Variants in MYO1E observed in about 807,000 individuals in gnomAD.
MYO1E encodes myosin IE.
MYO1E carries 68 observed loss-of-function variants against 151.1 expected under a neutral mutation model. The ratio of observed to expected loss-of-function variants is 0.45; its 90% CI spans 0.37 to 0.55. The LOEUF (loss-of-function observed/expected upper bound fraction) is 0.55. Ranked by LOEUF, MYO1E falls within the 20% of genes least tolerant of loss-of-function variation. The pLI is 0.00. For synonymous variants in MYO1E, 601 were observed against 501.7 expected (o/e 1.20, Z -2.64); for missense variants, 1,363 against 1,389.3 (o/e 0.98, Z 0.30).
intron 17 of MYO1E, 27 bp from the exon 18 acceptor site, chr15:59,188,243 G>C: frequency 3.9e-6 from 6 of 1,554,714 alleles, no homozygotes; most frequent in Non-Finnish European, 5.3e-6. Flanking sequence ...ATGGGGCCTG[G>C]ACATTACTGG....
chr15:59,295,348 G>A (rs529532621), intron 1 of MYO1E, among the ~76,000 whole-genome samples: 3 of 152,130 alleles, frequency 2.0e-5, no homozygotes, highest in East Asian at 1.9e-4. Context: ...TTTTCACCAC[G>A]TGAAAACCCC....
chr15:59,311,632 A>G (rs2080552710), intron 1 of MYO1E, among the ~76,000 whole-genome samples: 1 of 152,162 alleles, frequency 6.6e-6, no homozygotes, highest in Admixed American at 6.5e-5. Context: ...CTGGCACTAT[A>G]TATCAGGCAA....
intron 2 of MYO1E, among the ~76,000 whole-genome samples, chr15:59,263,773 C>T (rs2080237512): frequency 6.6e-6 from 1 of 152,032 alleles, no homozygotes; most frequent in African/African-American, 2.4e-5. Context: ...AGAGAAAATG[C>T]TGATGAGACA....
Position 59,202,345 on chromosome 15 carries a change from G to A in MYO1E, c.1679C>T (p.Thr560Ile). The A allele has an allele frequency of 6.2e-7, 1 of 1,614,100 alleles. No individual in the cohort carries two copies. The highest frequency in any genetic ancestry group is 8.5e-7 in the Non-Finnish European group (1 of 1,179,942). Residue 560 changes from threonine to isoleucine, a missense_variant, in exon 16 of 28, where the codon ACT becomes ATT. Thr to Ile is a moderately conservative substitution (Grantham distance 89). Transcript: ENST00000288235. ...ACTAACCTTTATTTTGCTTCCGGCA[G>A]TAGTTGGGCGCCCTTTCTTGTCAGC... is the stretch of plus-strand genomic sequence containing the variant. ...LQADKKGRPTTAGSKIKKQAN... is the reference protein window; with the variant it reads ...LQADKKGRPTIAGSKIKKQAN...
rs2079637434 is a variant in MYO1E at position 59,178,313 on chromosome 15, A to G, written c.2049+80T>C. ...TGGCATGAAGCGAAGAATGAGAAAAAGAAGCCAGCTGAGGGGTGGAGCAGG... is the reference window on the plus strand; with the variant it reads ...TGGCATGAAGCGAAGAATGAGAAAAGGAAGCCAGCTGAGGGGTGGAGCAGG... On this transcript the variant is annotated intron_variant, in intron 19 of 27. Transcript: ENST00000288235. The G allele has an allele frequency of 2.6e-6, 4 of 1,537,732 alleles. No individual in the cohort carries two copies. In the Admixed American group the frequency reaches 5.5e-5, roughly 21 times the overall value.
intron 1 of MYO1E, among the ~76,000 whole-genome samples, chr15:59,362,249 G>C (rs1442130973): frequency 6.6e-6 from 1 of 152,108 alleles, no homozygotes; most frequent in Non-Finnish European, 1.5e-5. Context: ...TTTCTTACAT[G>C]GTTTCAGATA....
chr15:59,136,573 A>G lies in MYO1E; in HGVS notation c.*807T>C. ...GAATGAGTACAGTGGAATACTACTT[A>G]GTACATTCATACATGTTTCTACCAT... On this transcript the variant is annotated 3_prime_UTR_variant, in exon 28 of 28. Transcript: ENST00000288235. 2.6e-6 allele frequency: 1 copy of G among 388,008 alleles called. No homozygotes were observed. The highest frequency in any genetic ancestry group is 1.9e-5 in the South Asian group (1 of 52,894). The allele number at this position is 388,008 out of a possible 1,614,324, so 24.0% of individuals were successfully genotyped here. A position where few individuals can be genotyped will look rare whatever the true frequency, so the allele number is the denominator to read the frequency against.
Position 59,214,646 on chromosome 15 carries a change from T to C in MYO1E, c.1182A>G (p.Ile394Met). Residue 394 changes from isoleucine to methionine, a missense_variant, in exon 11 of 28, where the codon ATA becomes ATG. By Grantham distance (10) the Ile-to-Met change is conservative. Coordinates refer to ENST00000288235, the MANE Select transcript of MYO1E (RefSeq NM_004998.4). The part of the protein sequence containing the change: ...IGVLDIYGFE[I>M]FQKNGFEQFC... The stretch of plus-strand genomic sequence containing the variant: ...TTATTAAAACTGGCCTTACCTGGAA[T>C]ATTTCAAAGCCATAGATGTCTAGGA... 6.2e-7 allele frequency: 1 copy of C among 1,611,294 alleles called. No individual in the cohort carries two copies. Among genetic ancestry groups the C allele is most frequent in the South Asian group, 1.1e-5 (1 of 91,024 alleles).
chr15:59,153,425 A>G (rs1275324876), intron 26 of MYO1E, among the ~76,000 whole-genome samples, 165 bp downstream of exon 26: 1 of 152,240 alleles, frequency 6.6e-6, no homozygotes, highest in African/African-American at 2.4e-5. Flanking sequence ...CTTTACAAAT[A>G]ACCAGCCACA....
chr15:59,307,614 GTTTTGGT>G (rs1241499378), intron 1 of MYO1E, among the ~76,000 whole-genome samples: 13 of 112,536 alleles, frequency 1.2e-4, no homozygotes, highest in African/African-American at 6.7e-4. Context: ...TTTGTTTTTG[GTTTTGGT>G]TTTTTTAAGA....
chr15:59,257,966 C>T (rs1422020615), intron 3 of MYO1E, among the ~76,000 whole-genome samples: 4 of 152,052 alleles, frequency 2.6e-5, no homozygotes, highest in African/African-American at 4.8e-5. Context: ...TGAATAAGGC[C>T]GCCCTGGAAC....
intron 22 of MYO1E, among the ~76,000 whole-genome samples, chr15:59,165,614 G>T (rs111233652): frequency 1.3e-5 from 2 of 152,170 alleles, no homozygotes; most frequent in Admixed American, 6.5e-5. Flanking sequence ...CAGGGCCAAC[G>T]TGCCAGTTCC....
chr15:59,207,903 A>C (rs1385752626), intron 14 of MYO1E: 1 of 1,614,172 alleles, frequency 6.2e-7, no homozygotes, highest in Admixed American at 1.7e-5. Context: ...GAATACATCC[A>C]GTTTCCACCA....
At chr15:59,239,861 A>G (rs767770819) in intron 4 of MYO1E, among the ~76,000 whole-genome samples, 2 of 152,210 alleles carry the variant, frequency 1.3e-5, no homozygotes, top group Non-Finnish European at 2.9e-5. Context: ...ATGTTACAGA[A>G]TGACTTGAAA....
rs115206981 is a variant in MYO1E, at chr15:59,170,660, C to T, written c.2480+1237G>A. ...GGCTGCAAAATGGACACTGCGGACTCATCTGCTTAGCAACTTTACCACATC... is the reference window on the plus strand; with the variant it reads ...GGCTGCAAAATGGACACTGCGGACTTATCTGCTTAGCAACTTTACCACATC... On this transcript the variant is annotated intron_variant, in intron 22 of 27. Coordinates refer to ENST00000288235, the MANE Select transcript of MYO1E (RefSeq NM_004998.4). 9.8e-3 allele frequency among the ~76,000 whole-genome samples: 1,491 copies of T among 152,202 alleles called. 19 individuals are homozygous for T. The highest frequency in any genetic ancestry group is 0.035 in the African/African-American group (1,446 of 41,522).
At chr15:59,339,032 T>C (rs1391545680) in intron 1 of MYO1E, among the ~76,000 whole-genome samples, 1 of 152,238 alleles carries the variant, frequency 6.6e-6, no homozygotes, top group Non-Finnish European at 1.5e-5. Context: ...CTGGGGAGGC[T>C]GAGGCATGAG....
At chr15:59,201,109 A>ATTT (rs35652210) in intron 16 of MYO1E, among the ~76,000 whole-genome samples, 3 of 144,358 alleles carry the variant, frequency 2.1e-5, no homozygotes. Context: ...GACAAAAACT[A>ATTT]TTTTTTTTTT....
chr15:59,245,405 T>C (rs1445136221), intron 4 of MYO1E, among the ~76,000 whole-genome samples: 2 of 152,198 alleles, frequency 1.3e-5, no homozygotes, highest in Admixed American at 6.5e-5. Context: ...ATGACTACTA[T>C]CTCCTTTTCC....
chr15:59,141,720 C>T (rs1210389394), intron 26 of MYO1E, among the ~76,000 whole-genome samples: 2 of 151,046 alleles, frequency 1.3e-5, no homozygotes, highest in African/African-American at 4.9e-5. Context: ...ATCGCTTGAA[C>T]CCGGGAGATG....
Sources: gnomAD v4.1 joint callset for allele counts (sites outside exome capture counted in the v4.1 genomes callset) on GRCh38, gnomAD v4.1.1 for gene constraint, MANE v1.5 for transcripts, NCBI Gene and HGNC (gene_info 2026-07-23, HGNC 2026-07-21) for gene names.